The following UBE2QL1 variants were observed in gnomAD, a reference collection of about 807,000 sequenced individuals.
UBE2QL1 encodes ubiquitin conjugating enzyme E2 QL1, also known as ubiquitin-conjugating enzyme E2Q-like protein 1.
Under a neutral mutation model 12.6 loss-of-function variants are expected in UBE2QL1, and 5 were observed. The observed-to-expected ratio is 0.40, with a 90% CI of 0.21 to 0.83. UBE2QL1 has a LOEUF of 0.83. Ranked by LOEUF, UBE2QL1 falls within the 40% of genes least tolerant of loss-of-function variation. UBE2QL1 has a pLI of 0.37. For synonymous variants in UBE2QL1, 96 were observed against 94.5 expected (o/e 1.02, Z -0.10); for missense variants, 99 against 222.6 (o/e 0.44, Z 3.53).
At chr5:6,488,816 A>G (rs946930706) in intron 1 of UBE2QL1, among the ~76,000 whole-genome samples, 4 of 104,910 alleles carry the variant, frequency 3.8e-5, no homozygotes, top group Non-Finnish European at 6.5e-5. Flanking sequence ...GAAAAAAAAA[A>G]AGAAGAAATT....
At chr5:6,477,078 A>G (rs1224747285) in intron 1 of UBE2QL1, among the ~76,000 whole-genome samples, 10 of 152,026 alleles carry the variant, frequency 6.6e-5, no homozygotes, top group Non-Finnish European at 8.8e-5. Context: ...AGGACCCTCT[A>G]CACACCCCCA....
At position 6,491,426 on chromosome 5, in the gene UBE2QL1, CAT is replaced by C. The variant is rs1171413449; in HGVS notation, c.*78_*79del. 4 of 1,441,028 alleles carry C rather than the reference CAT, an allele frequency of 2.8e-6. No homozygotes were observed. The African/African-American group carries it at 5.8e-5, about 21-fold the overall frequency. 89.3% of individuals were successfully genotyped at this position (1,441,028 alleles called of 1,614,324 possible). A position where few individuals can be genotyped will look rare whatever the true frequency, so the allele number is the denominator to read the frequency against. Reference sequence around the variant, plus strand: ...ACCCTGACATCTCCTCAATGCTGTGCATCCTCCACCCGTTTTTACTCCAGCCA... The same window carrying C: ...ACCCTGACATCTCCTCAATGCTGTGCCCTCCACCCGTTTTTACTCCAGCCA... On this transcript the variant is annotated 3_prime_UTR_variant, in exon 2 of 2. Coordinates refer to ENST00000399816, the MANE Select transcript of UBE2QL1 (RefSeq NM_001145161.3).
chr5:6,467,093 C>T (rs1486703505), intron 1 of UBE2QL1, among the ~76,000 whole-genome samples: 2 of 152,050 alleles, frequency 1.3e-5, no homozygotes, highest in African/African-American at 4.8e-5. Flanking sequence ...TCATTGTAGT[C>T]CTTCCCTGAT....
At chr5:6,484,343 T>G (rs272455) in intron 1 of UBE2QL1, among the ~76,000 whole-genome samples, 32,968 of 152,152 alleles carry the variant, frequency 0.22, 4,170 homozygotes, top group South Asian at 0.36. Context: ...CTGAGGATTC[T>G]GGGCCCCTCC....
intron 1 of UBE2QL1, among the ~76,000 whole-genome samples, chr5:6,484,045 C>A (rs1734417606): frequency 6.6e-6 from 1 of 152,142 alleles, no homozygotes. Flanking sequence ...TTGGTACTTT[C>A]CAGAAACCAT....
intron 1 of UBE2QL1, among the ~76,000 whole-genome samples, chr5:6,485,740 T>G (rs1357748413): frequency 6.6e-6 from 1 of 152,162 alleles, no homozygotes; most frequent in Non-Finnish European, 1.5e-5. Flanking sequence ...AGGGCAAAAG[T>G]CTGTAATTCA....
At chr5:6,490,073 C>T (rs898491132) in intron 1 of UBE2QL1, among the ~76,000 whole-genome samples, 1 of 152,220 alleles carries the variant, frequency 6.6e-6, no homozygotes, top group African/African-American at 2.4e-5. Flanking sequence ...ATCTGCAAAA[C>T]ATGTACATGG....
rs1212412232 is a variant in UBE2QL1, at chr5:6,492,010, G to A, written c.*661G>A. On this transcript the variant is annotated 3_prime_UTR_variant, in exon 2 of 2. Coordinates refer to ENST00000399816, the MANE Select transcript of UBE2QL1 (RefSeq NM_001145161.3). ...AACGTGCTCTCGATGCTGATTTGTG[G>A]TGTGCTGCTGTCCACAGATAAACCA... is the stretch of plus-strand genomic sequence containing the variant. 1 of 152,236 alleles carries A rather than the reference G, an allele frequency of 6.6e-6. No individual in the cohort carries two copies. Among genetic ancestry groups the A allele is most frequent in the East Asian group, 1.9e-4 (1 of 5,198 alleles). 9.4% of individuals were successfully genotyped at this position (152,236 alleles called of 1,614,324 possible).
chr5:6,456,404 G>A (rs1348709686), intron 1 of UBE2QL1, among the ~76,000 whole-genome samples: 2 of 152,138 alleles, frequency 1.3e-5, no homozygotes, highest in African/African-American at 2.4e-5. Flanking sequence ...TTAACATGGG[G>A]CATTAGTCAC....
At position 6,478,815 on chromosome 5, in the gene UBE2QL1, G is replaced by T. The variant is rs1409719650; in HGVS notation, c.355-12403G>T. On this transcript the variant is annotated intron_variant, in intron 1 of 1. Coordinates refer to ENST00000399816, the MANE Select transcript of UBE2QL1 (RefSeq NM_001145161.3). The surrounding 1 kb of genome is among the most constrained non-coding windows in gnomAD (Gnocchi z 4.5). ...CAGGTGGATGATCTCCTGCGCACGT[G>T]GGAGAGTGATCCTAGGACGTGCAGA... Among the ~76,000 whole-genome samples, 6 of 152,136 alleles carry T rather than the reference G, an allele frequency of 3.9e-5. No homozygotes were observed. Among genetic ancestry groups the T allele is most frequent in the Non-Finnish European group, 4.4e-5 (3 of 68,024 alleles).
At chr5:6,488,628 C>T (rs1301416024) in intron 1 of UBE2QL1, among the ~76,000 whole-genome samples, 1 of 151,940 alleles carries the variant, frequency 6.6e-6, no homozygotes, top group Non-Finnish European at 1.5e-5. Flanking sequence ...GATACCCTGT[C>T]TCTATAAAAA....
chr5:6,491,241 C>A lies in UBE2QL1; in HGVS notation c.378C>A (p.Gly126=), dbSNP rs978061482. 2 of 1,550,630 alleles carry A rather than the reference C, an allele frequency of 1.3e-6. No individual in the cohort carries two copies. Among genetic ancestry groups the A allele is most frequent in the Non-Finnish European group, 1.7e-6 (2 of 1,146,572 alleles). ...AGGGACGGATCTGTAGAAAAGCTGG[C>A]AAATCAAAAAAGTCCTTCAGTCGCA... The part of the protein sequence containing the change: ...KGQGRICRKA[G]KSKKSFSRKE... Residue 126 remains glycine (G), a synonymous_variant, in exon 2 of 2, where the codon GGC becomes GGA. Coordinates refer to ENST00000399816, the MANE Select transcript of UBE2QL1 (RefSeq NM_001145161.3).
intron 1 of UBE2QL1, among the ~76,000 whole-genome samples, chr5:6,462,261 C>G (rs1739687099): frequency 6.6e-6 from 1 of 152,180 alleles, no homozygotes; most frequent in African/African-American, 2.4e-5. Context: ...AGTCAGGGAC[C>G]TGGTATCAAG....
intron 1 of UBE2QL1, among the ~76,000 whole-genome samples, chr5:6,460,955 G>T (rs919759460): frequency 2.6e-5 from 4 of 152,202 alleles, no homozygotes; most frequent in Admixed American, 6.5e-5. Context: ...TTTGTAAAAA[G>T]CTGTGGACCC....
At chr5:6,461,927 C>G (rs973325822) in intron 1 of UBE2QL1, among the ~76,000 whole-genome samples, 10 of 152,196 alleles carry the variant, frequency 6.6e-5, no homozygotes, top group Non-Finnish European at 4.4e-5. Flanking sequence ...TTTGGATAAG[C>G]CGCAGGCTCT....
chr5:6,492,519 G>C lies in UBE2QL1; in HGVS notation c.*1170G>C, dbSNP rs956287783. 3.3e-5 allele frequency: 5 copies of C among 152,158 alleles called. No individual in the cohort carries two copies. Among genetic ancestry groups the C allele is most frequent in the Non-Finnish European group, 7.3e-5 (5 of 68,030 alleles). 9.4% of individuals were successfully genotyped at this position (152,158 alleles called of 1,614,324 possible). A position where few individuals can be genotyped will look rare whatever the true frequency, so the allele number is the denominator to read the frequency against. ...GGAAATACTGTTTCTAATAATATGA[G>C]GAAAGAAGTAAAAATGTTCATTCCA... On this transcript the variant is annotated 3_prime_UTR_variant, in exon 2 of 2. Coordinates refer to ENST00000399816, the MANE Select transcript of UBE2QL1 (RefSeq NM_001145161.3).
chr5:6,477,735 T>A (rs868859656), intron 1 of UBE2QL1, among the ~76,000 whole-genome samples: 1 of 152,060 alleles, frequency 6.6e-6, no homozygotes, highest in Non-Finnish European at 1.5e-5. Context: ...ATTTCAAGAG[T>A]TCCCCCATGT....
chr5:6,475,766 A>G (rs769161194), intron 1 of UBE2QL1, among the ~76,000 whole-genome samples: 19 of 151,950 alleles, frequency 1.3e-4, no homozygotes, highest in Non-Finnish European at 2.4e-4. Flanking sequence ...TTCAGCCTTG[A>G]AGCCGAAGCT....
chr5:6,450,049 G>C (rs1223029253), intron 1 of UBE2QL1, among the ~76,000 whole-genome samples: 1 of 151,756 alleles, frequency 6.6e-6, no homozygotes, highest in African/African-American at 2.4e-5. Context: ...GAGAGGCGGC[G>C]GTGTGGTTTG....
Sources: gnomAD v4.1 joint callset for allele counts (sites outside exome capture counted in the v4.1 genomes callset) on GRCh38, gnomAD v4.1.1 for gene constraint, Gnocchi (gnomAD v3.1) non-coding constraint, MANE v1.5 for transcripts, NCBI Gene and HGNC (gene_info 2026-07-23, HGNC 2026-07-21) for gene names.